Variants in ZNF469 observed in about 807,000 individuals in gnomAD.
The protein encoded by ZNF469 is zinc finger protein 469.
ZNF469 carries 1 observed loss-of-function variant against 1.0 expected under a neutral mutation model. The ratio of observed to expected loss-of-function variants is 1.00; its 90% CI spans 0.35 to 4.73. The LOEUF (loss-of-function observed/expected upper bound fraction) is 4.73. Among genes scored for constraint, ZNF469 ranks in the 30% most tolerant of loss-of-function variants. The probability of loss-of-function intolerance (pLI) is 0.16; values close to 1 mark genes in which losing one functional copy is unlikely to be tolerated. For synonymous variants in ZNF469, 2,703 were observed against 2,363.4 expected (o/e 1.14, Z -4.17); for missense variants, 6,100 against 5,356.3 (o/e 1.14, Z -4.33).
At chr16:88,339,910 C>T in the ZNF469 span, among the ~76,000 whole-genome samples, 2 of 146,056 alleles carry the variant, frequency 1.4e-5, no homozygotes, top group Non-Finnish European at 3.0e-5. Context: ...AGCCCAGGTG[C>T]TTCACGGGGT....
the ZNF469 span, among the ~76,000 whole-genome samples, chr16:88,211,892 T>C: frequency 6.6e-6 from 1 of 152,186 alleles, no homozygotes; most frequent in African/African-American, 2.4e-5. Context: ...ACCATTCCCT[T>C]CACCCATGTG....
At chr16:88,159,813 G>A in the ZNF469 span, among the ~76,000 whole-genome samples, 2 of 152,128 alleles carry the variant, frequency 1.3e-5, no homozygotes, top group East Asian at 3.9e-4. Flanking sequence ...CACCAGCGGT[G>A]GGCAGTGAGG....
At chr16:88,147,946 T>TAC in the ZNF469 span, among the ~76,000 whole-genome samples, 3 of 152,068 alleles carry the variant, frequency 2.0e-5, no homozygotes, top group African/African-American at 7.3e-5. Flanking sequence ...TCGTTGTGTG[T>TAC]ACACCAGCGG....
the ZNF469 span, among the ~76,000 whole-genome samples, chr16:88,123,656 T>TC: frequency 0.029 from 4,344 of 152,170 alleles, 213 homozygotes; most frequent in African/African-American, 0.099. Context: ...AAAGGGGTCG[T>TC]CCCCCCCAGT....
At chr16:88,402,560 C>T (rs1380338077) in intron 1 of ZNF469, among the ~76,000 whole-genome samples, 4 of 152,136 alleles carry the variant, frequency 2.6e-5, no homozygotes, top group Admixed American at 6.5e-5. Context: ...CTCAGTTTCC[C>T]TCTGTGAGTA....
the ZNF469 span, among the ~76,000 whole-genome samples, chr16:88,155,461 C>T: frequency 6.6e-6 from 1 of 152,338 alleles, no homozygotes; most frequent in African/African-American, 2.4e-5. Context: ...ACTGAGCAGC[C>T]ACTCCCATCC....
chr16:88,176,199 G>C, the ZNF469 span, among the ~76,000 whole-genome samples: 2 of 150,378 alleles, frequency 1.3e-5, no homozygotes, highest in Non-Finnish European at 3.0e-5. Flanking sequence ...TGAGTTATTA[G>C]TACCAGACTG....
chr16:88,128,365 A>G, the ZNF469 span, among the ~76,000 whole-genome samples: 1 of 152,084 alleles, frequency 6.6e-6, no homozygotes, highest in Admixed American at 6.5e-5. Context: ...GAATTCCATG[A>G]TATAGCATAT....
the ZNF469 span, among the ~76,000 whole-genome samples, chr16:88,243,911 CATATAT>C: frequency 0.018 from 480 of 26,242 alleles, 7 homozygotes; most frequent in African/African-American, 0.029. Context: ...TGGCTGGATG[CATATAT>C]ATATATATAT....
At chr16:88,355,874 C>T in the ZNF469 span, among the ~76,000 whole-genome samples, 1 of 152,184 alleles carries the variant, frequency 6.6e-6, no homozygotes, top group Non-Finnish European at 1.5e-5. Context: ...GGGGTGCAGA[C>T]ATGCCCTCGG....
the ZNF469 span, among the ~76,000 whole-genome samples, chr16:88,272,962 ATAGACGAGTGGACGGATGGATGAACG>A: frequency 6.9e-6 from 1 of 145,422 alleles, no homozygotes; most frequent in African/African-American, 2.6e-5. Flanking sequence ...GGGTGTGTGG[ATAGACGAGTGGACGGATGGATGAACG>A]GGTGGGTGTG....
chr16:88,328,701 G>C, the ZNF469 span, among the ~76,000 whole-genome samples: 1 of 152,208 alleles, frequency 6.6e-6, no homozygotes, highest in African/African-American at 2.4e-5. Flanking sequence ...CAGCCGGGGG[G>C]CTGGGATGTG....
the ZNF469 span, among the ~76,000 whole-genome samples, chr16:88,217,145 G>T: frequency 1.9e-4 from 26 of 134,454 alleles, no homozygotes; most frequent in Non-Finnish European, 3.9e-4. Context: ...TGTGATTTTT[G>T]ATTGAATACT....
chr16:88,243,763 A>G, the ZNF469 span, among the ~76,000 whole-genome samples: 1 of 128,148 alleles, frequency 7.8e-6, no homozygotes, highest in Non-Finnish European at 1.5e-5. Context: ...GGATGAATAG[A>G]TGGATGGATG....
At chr16:88,238,998 C>A in the ZNF469 span, among the ~76,000 whole-genome samples, 3 of 152,220 alleles carry the variant, frequency 2.0e-5, no homozygotes, top group Non-Finnish European at 2.9e-5. Context: ...CTGGGTGAGT[C>A]ACTGCCCCCT....
At chr16:88,426,624 G>A (rs1357277734) in intron 2 of ZNF469, among the ~76,000 whole-genome samples, 1 of 152,244 alleles carries the variant, frequency 6.6e-6, no homozygotes, top group Admixed American at 6.5e-5. Context: ...GGATCTGGAG[G>A]TTACCCTGTA....
At chr16:88,321,481 T>C in the ZNF469 span, among the ~76,000 whole-genome samples, 1 of 151,812 alleles carries the variant, frequency 6.6e-6, no homozygotes, top group Non-Finnish European at 1.5e-5. Context: ...TGATTGGATA[T>C]GGCTCTCAGA....
At chr16:88,105,722 TAA>T in the ZNF469 span, among the ~76,000 whole-genome samples, 2 of 152,204 alleles carry the variant, frequency 1.3e-5, no homozygotes, top group African/African-American at 4.8e-5. Context: ...TGCTAAGTTG[TAA>T]AGACTCAGAA....
chr16:88,235,716 A>C, the ZNF469 span, among the ~76,000 whole-genome samples: 2 of 152,260 alleles, frequency 1.3e-5, no homozygotes, highest in Non-Finnish European at 2.9e-5. Flanking sequence ...TTGTTGCTGA[A>C]AAAAACATCT....
Sources: allele counts gnomAD v4.1 joint callset (sites outside exome capture counted in the v4.1 genomes callset), GRCh38; gene constraint gnomAD v4.1.1; transcripts MANE v1.5; gene names NCBI Gene and HGNC (gene_info 2026-07-23, HGNC 2026-07-21).